CDH12: variants seen among roughly 807,000 people sequenced by gnomAD.
The protein encoded by CDH12 is cadherin 12.
In CDH12, 41 loss-of-function variants were observed where a neutral mutation model predicts 74.1. The ratio of observed to expected loss-of-function variants is 0.55; its 90% CI spans 0.43 to 0.72. The LOEUF is 0.72. Among genes scored for constraint, CDH12 ranks in the 30% least tolerant of loss-of-function variants. CDH12 has a pLI of 0.00. For missense variants in CDH12, 945 were observed against 977.2 expected, an observed-to-expected ratio of 0.97 and a Z score of 0.44; for synonymous variants, 399 against 355.0, an observed-to-expected ratio of 1.12 and a Z score of -1.39.
At chr5:22,697,124 A>G (rs1177632725) in intron 1 of CDH12, among the ~76,000 whole-genome samples, 2 of 152,184 alleles carry the variant, frequency 1.3e-5, no homozygotes, top group African/African-American at 2.4e-5. Context: ...ATTTGATGAC[A>G]CATCATGCTA....
chr5:22,336,668 G>A (rs191167609), intron 3 of CDH12, among the ~76,000 whole-genome samples: 5 of 152,314 alleles, frequency 3.3e-5, no homozygotes, highest in Non-Finnish European at 5.9e-5. Flanking sequence ...TCAAGAATTG[G>A]GGTTTGGGAA....
chr5:21,902,357 ACTGT>A (rs1579936436), intron 6 of CDH12, among the ~76,000 whole-genome samples: 1 of 151,548 alleles, frequency 6.6e-6, no homozygotes, highest in East Asian at 1.9e-4. Flanking sequence ...TGTCTCACTC[ACTGT>A]CTCTCTTTCA....
intron 6 of CDH12, among the ~76,000 whole-genome samples, chr5:21,862,351 C>T (rs1007271920): frequency 6.6e-6 from 1 of 152,070 alleles, no homozygotes; most frequent in Admixed American, 6.6e-5. Flanking sequence ...TAAGAATCAT[C>T]TGGCACAATG....
At chr5:22,593,930 A>G (rs911015689) in intron 1 of CDH12, among the ~76,000 whole-genome samples, 5 of 152,214 alleles carry the variant, frequency 3.3e-5, no homozygotes, top group Admixed American at 1.3e-4. Flanking sequence ...TGATAGTTAC[A>G]AATAACTGAT....
intron 5 of CDH12, among the ~76,000 whole-genome samples, chr5:22,010,617 C>T (rs1338447906): frequency 6.6e-6 from 1 of 152,092 alleles, no homozygotes; most frequent in Non-Finnish European, 1.5e-5. Context: ...CTTTATTAGT[C>T]CCACTCTCTG....
chr5:22,337,463 T>C (rs1292199383), intron 3 of CDH12, among the ~76,000 whole-genome samples: 1 of 152,126 alleles, frequency 6.6e-6, no homozygotes, highest in Non-Finnish European at 1.5e-5. Flanking sequence ...GGGAAGGACC[T>C]TGTGGGGGAT....
intron 1 of CDH12, among the ~76,000 whole-genome samples, chr5:22,692,601 A>G (rs1052696624): frequency 6.6e-6 from 1 of 152,198 alleles, no homozygotes; most frequent in African/African-American, 2.4e-5. Flanking sequence ...TGGGCTACAA[A>G]TGGGACTGGG....
chr5:22,299,002 G>C (rs189929216), intron 3 of CDH12, among the ~76,000 whole-genome samples: 169 of 152,238 alleles, frequency 1.1e-3, no homozygotes, highest in Middle Eastern at 6.8e-3. Context: ...TGTTTTTAGA[G>C]GTAGGGATAT....
chr5:22,675,037 A>G (rs1741091494), intron 1 of CDH12, among the ~76,000 whole-genome samples: 2 of 152,242 alleles, frequency 1.3e-5, no homozygotes, highest in African/African-American at 4.8e-5. Flanking sequence ...CTGGATACAG[A>G]AATTTGCATA....
chr5:22,554,721 G>T (rs1252154647), intron 1 of CDH12, among the ~76,000 whole-genome samples: 1 of 151,944 alleles, frequency 6.6e-6, no homozygotes. Flanking sequence ...CTAGCATAAA[G>T]TGACTTACTA....
intron 4 of CDH12, among the ~76,000 whole-genome samples, chr5:22,170,676 C>T (rs375500239): frequency 2.6e-5 from 4 of 151,660 alleles, no homozygotes; most frequent in South Asian, 2.1e-4. Context: ...TCTGAACTCA[C>T]GTTTCTATGT....
chr5:22,163,500 A>G (rs1366938759), intron 4 of CDH12, among the ~76,000 whole-genome samples: 11 of 152,238 alleles, frequency 7.2e-5, no homozygotes, highest in Admixed American at 6.5e-4. Context: ...ACTTCAGTTG[A>G]CATTCACAAT....
chr5:22,519,546 C>T (rs1173556780), intron 1 of CDH12, among the ~76,000 whole-genome samples: 4 of 151,682 alleles, frequency 2.6e-5, no homozygotes, highest in Non-Finnish European at 4.4e-5. Flanking sequence ...GCCTCAGCCT[C>T]CTGAGTAGCT....
At chr5:22,640,878 A>G (rs1046257572) in intron 1 of CDH12, among the ~76,000 whole-genome samples, 1 of 152,186 alleles carries the variant, frequency 6.6e-6, no homozygotes, top group African/African-American at 2.4e-5. Flanking sequence ...CACCAAAATC[A>G]TCTTTGGAAA....
intron 1 of CDH12, among the ~76,000 whole-genome samples, chr5:22,673,922 G>C (rs951023205): frequency 2.0e-5 from 3 of 152,122 alleles, no homozygotes; most frequent in Admixed American, 2.0e-4. Context: ...AAAAATCTAA[G>C]ATCTTTTAGA....
chr5:22,505,986 T>C (rs1389996078), intron 1 of CDH12, among the ~76,000 whole-genome samples: 2 of 152,104 alleles, frequency 1.3e-5, no homozygotes, highest in African/African-American at 4.8e-5. Context: ...ACTGGAGTAC[T>C]TATTACTGTT....
intron 1 of CDH12, among the ~76,000 whole-genome samples, chr5:22,758,386 GC>G (rs1267584103): frequency 6.6e-6 from 1 of 152,148 alleles, no homozygotes; most frequent in Admixed American, 6.5e-5. Context: ...ACTATCAGTA[GC>G]AGCAGCAGTG....
intron 6 of CDH12, among the ~76,000 whole-genome samples, chr5:21,897,217 C>T (rs962862937): frequency 6.6e-6 from 1 of 152,154 alleles, no homozygotes; most frequent in Middle Eastern, 3.2e-3. Context: ...TTGCTTTTTA[C>T]AAATCTGGTT....
rs184644008 is a variant in CDH12, at chr5:22,784,786, C to T, written c.-523+68272G>A. ...GCTATTCCTAATTAAATTTCTGAAA[C>T]GCTGTTTTGAAATATTAATTGTAAA... On this transcript the variant is annotated intron_variant, in intron 1 of 14. Transcript: ENST00000382254. Among the ~76,000 whole-genome samples, 7 of 152,122 alleles carry T rather than the reference C, an allele frequency of 4.6e-5. No homozygotes were observed. In the East Asian group the frequency reaches 5.8e-4, roughly 13 times the overall value.
Sources: allele counts gnomAD v4.1 joint callset (sites outside exome capture counted in the v4.1 genomes callset), GRCh38; gene constraint gnomAD v4.1.1; transcripts MANE v1.5; gene names NCBI Gene and HGNC (gene_info 2026-07-23, HGNC 2026-07-21).